The following NUDT4 variants were observed in gnomAD, a reference collection of about 807,000 sequenced individuals.
NUDT4 encodes the protein nudix hydrolase 4.
In NUDT4, 5 loss-of-function variants were observed where a neutral mutation model predicts 23.1. The observed-to-expected ratio is 0.22, with a 90% CI of 0.11 to 0.46. NUDT4 has a LOEUF of 0.46. Among genes scored for constraint, NUDT4 ranks in the 20% least tolerant of loss-of-function variants. The pLI is 0.99. For synonymous variants in NUDT4, 50 were observed against 79.0 expected (o/e 0.63, Z 1.95); for missense variants, 96 against 211.6 (o/e 0.45, Z 3.39).
rs1483119167 is a variant in NUDT4 at position 93,386,177 on chromosome 12, A to T, written c.99+7756A>T. On this transcript the variant is annotated intron_variant, in intron 1 of 4. Coordinates refer to ENST00000415493, the MANE Select transcript of NUDT4 (RefSeq NM_019094.6). ...TTTTTTGTAGAGACAGGGTCTTCCT[A>T]TGTTGCCTAGGCTGGTCTTGAGCTC... Among the ~76,000 whole-genome samples the T allele has an allele frequency of 4.0e-5, 6 of 151,652 alleles. No individual in the cohort carries two copies. The East Asian group carries it at 1.2e-3, about 30-fold the overall frequency.
chr12:93,380,869 G>T (rs1212509343), intron 1 of NUDT4: 1 of 152,130 alleles, frequency 6.6e-6, no homozygotes, highest in Non-Finnish European at 1.5e-5. Context: ...CCCTCTACTG[G>T]ATGAAAAACA....
chr12:93,379,706 G>A (rs1204300803), intron 1 of NUDT4, among the ~76,000 whole-genome samples: 2 of 152,082 alleles, frequency 1.3e-5, no homozygotes, highest in African/African-American at 4.8e-5. Flanking sequence ...CTTTGAGATG[G>A]GTCTGCTTAG....
Position 93,402,209 on chromosome 12 carries a change from G to C in NUDT4, c.*2830G>C, listed in dbSNP as rs1877498782. 6.6e-6 allele frequency: 1 copy of C among 152,040 alleles called. No individual in the cohort carries two copies. Among genetic ancestry groups the C allele is most frequent in the Admixed American group, 6.6e-5 (1 of 15,238 alleles). The allele number at this position is 152,040 out of a possible 1,614,324, so 9.4% of individuals were successfully genotyped here. ...TGAATTGCTTTGCATGGTCTCATTTGAGATAATTGATGTAAGAATCCTGAC... is the reference window on the plus strand; with the variant it reads ...TGAATTGCTTTGCATGGTCTCATTTCAGATAATTGATGTAAGAATCCTGAC... On this transcript the variant is annotated 3_prime_UTR_variant, in exon 5 of 5. Coordinates refer to ENST00000415493, the MANE Select transcript of NUDT4 (RefSeq NM_019094.6).
In NUDT4 at chr12:93,399,477, T is replaced by C; in HGVS notation, c.*98T>C. The stretch of plus-strand genomic sequence containing the variant: ...ATCTGATTGACGCTTGCAAACTGTC[T>C]GAATTTGCCATGCAAGGTTTTCAAA... On this transcript the variant is annotated 3_prime_UTR_variant, in exon 5 of 5. Transcript: ENST00000415493. 1 of 460,768 alleles carries C rather than the reference T, an allele frequency of 2.2e-6. No individual in the cohort carries two copies. The highest frequency in any genetic ancestry group is 3.1e-5 in the East Asian group (1 of 31,780). 28.5% of individuals were successfully genotyped at this position (460,768 alleles called of 1,614,324 possible). A position where few individuals can be genotyped will look rare whatever the true frequency, so the allele number is the denominator to read the frequency against.
At chr12:93,386,881 CCTT>C (rs1156624628) in intron 1 of NUDT4, among the ~76,000 whole-genome samples, 2 of 152,082 alleles carry the variant, frequency 1.3e-5, no homozygotes, top group East Asian at 1.9e-4. Flanking sequence ...TGAAAGTACA[CCTT>C]CTTATTAATT....
chr12:93,398,280 TG>T (rs1877077661), intron 3 of NUDT4, among the ~76,000 whole-genome samples: 1 of 128,416 alleles, frequency 7.8e-6, no homozygotes, highest in Non-Finnish European at 1.6e-5. Context: ...GCAGAGATTG[TG>T]GGGGAGCTGA....
At position 93,400,885 on chromosome 12, in the gene NUDT4, G is replaced by A. The variant is rs1877356088; in HGVS notation, c.*1506G>A. ...ACCTCCCAAAGTGCTGGGATTACAGGCATGAGCCACCATGCCCAGCCAAAG... is the reference window on the plus strand; with the variant it reads ...ACCTCCCAAAGTGCTGGGATTACAGACATGAGCCACCATGCCCAGCCAAAG... On this transcript the variant is annotated 3_prime_UTR_variant, in exon 5 of 5. Coordinates refer to ENST00000415493, the MANE Select transcript of NUDT4 (RefSeq NM_019094.6). The A allele has an allele frequency of 6.5e-6, 1 of 153,158 alleles. No homozygotes were observed. The highest frequency in any genetic ancestry group is 1.5e-5 in the Non-Finnish European group (1 of 68,624). The allele number at this position is 153,158 out of a possible 1,614,324, so 9.5% of individuals were successfully genotyped here.
In NUDT4 at chr12:93,401,105, GCTGAA is replaced by G. The variant is rs1877380228; in HGVS notation, c.*1732_*1736del. Reference sequence around the variant, plus strand: ...AATGAGATCTTGTGCCATAAATACAGCTGAACTGAATATAAATGTTCACAAATTAA... The same window carrying G: ...AATGAGATCTTGTGCCATAAATACAGCTGAATATAAATGTTCACAAATTAA... On this transcript the variant is annotated 3_prime_UTR_variant, in exon 5 of 5. Coordinates refer to ENST00000415493, the MANE Select transcript of NUDT4 (RefSeq NM_019094.6). 6.6e-6 allele frequency: 1 copy of G among 152,030 alleles called. No homozygotes were observed. Among genetic ancestry groups the G allele is most frequent in the South Asian group, 2.1e-4 (1 of 4,822 alleles). 9.4% of individuals were successfully genotyped at this position (152,030 alleles called of 1,614,324 possible).
At chr12:93,388,467 A>G (rs1442632165) in intron 1 of NUDT4, among the ~76,000 whole-genome samples, 1 of 152,218 alleles carries the variant, frequency 6.6e-6, no homozygotes, top group East Asian at 1.9e-4. Context: ...GTAGATAAGG[A>G]ACAAAATCAG....
chr12:93,383,179 T>C (rs775208951), intron 1 of NUDT4, among the ~76,000 whole-genome samples: 92 of 151,812 alleles, frequency 6.1e-4, no homozygotes, highest in Non-Finnish European at 1.0e-3. Context: ...AGGTAAAAAA[T>C]CCATGGTCAA....
In NUDT4 at chr12:93,398,821, A is replaced by C. The variant is rs780989010; in HGVS notation, c.306A>C (p.Glu102Asp). ...RTYVYVLTVTEILEDWEDSVN... is the reference protein window; with the variant it reads ...RTYVYVLTVTDILEDWEDSVN... ...ATGTTTATGTTCTAACAGTCACTGA[A>C]ATATTAGAAGATTGGGAAGATTCTG... Residue 102 changes from glutamate (E) to aspartate (D), a missense_variant, in exon 4 of 5, where the codon GAA (glutamate) becomes GAC (aspartate). Glu to Asp is a conservative substitution (Grantham distance 45, BLOSUM62 2). Coordinates refer to ENST00000415493, the MANE Select transcript of NUDT4 (RefSeq NM_019094.6). The C allele has an allele frequency of 1.9e-6, 3 of 1,603,074 alleles. No homozygotes were observed. In the African/African-American group the frequency reaches 4.0e-5, roughly 21 times the overall value.
chr12:93,379,124 C>G (rs1178420983), intron 1 of NUDT4, among the ~76,000 whole-genome samples: 4 of 152,200 alleles, frequency 2.6e-5, no homozygotes, highest in African/African-American at 7.2e-5. Flanking sequence ...CAGCTCTCAG[C>G]TTATGTATAA....
At chr12:93,395,902 A>G (rs1592726568) in intron 3 of NUDT4, among the ~76,000 whole-genome samples, 1 of 152,032 alleles carries the variant, frequency 6.6e-6, no homozygotes, top group South Asian at 2.1e-4. Context: ...TGTATTTTTA[A>G]TAGAGATGGG....
chr12:93,390,094 GA>G (rs1876379530), intron 1 of NUDT4, among the ~76,000 whole-genome samples: 2 of 152,170 alleles, frequency 1.3e-5, no homozygotes, highest in Admixed American at 1.3e-4. Context: ...GAATATGGAT[GA>G]TTTTGAACTC....
In NUDT4 at chr12:93,378,605, T is replaced by C. The variant is rs578126357; in HGVS notation, c.99+184T>C. 4.0e-6 allele frequency: 5 copies of C among 1,260,660 alleles called. No homozygotes were observed. In the South Asian group the frequency reaches 1.0e-4, roughly 26 times the overall value. The allele number at this position is 1,260,660 out of a possible 1,614,324, so 78.1% of individuals were successfully genotyped here. ...TTCTTCCTTCCTTTCTCTGGGCTGA[T>C]AGATGAGACAAAGGGGGCTCGCCCA... On this transcript the variant is annotated intron_variant, in intron 1 of 4. Coordinates refer to ENST00000415493, the MANE Select transcript of NUDT4 (RefSeq NM_019094.6).
chr12:93,403,287 A>C lies in NUDT4; in HGVS notation c.*3908A>C, dbSNP rs1877603712. The stretch of plus-strand genomic sequence containing the variant: ...AAGAGCTTATATTCTAGTGGGGTAG[A>C]GATAAGTGATTTATCTTGGTGTAGT... On this transcript the variant is annotated 3_prime_UTR_variant, in exon 5 of 5. Coordinates refer to ENST00000415493, the MANE Select transcript of NUDT4 (RefSeq NM_019094.6). 1 of 152,158 alleles carries C rather than the reference A, an allele frequency of 6.6e-6. No homozygotes were observed. The highest frequency in any genetic ancestry group is 1.5e-5 in the Non-Finnish European group (1 of 68,030). 9.4% of individuals were successfully genotyped at this position (152,158 alleles called of 1,614,324 possible). A position where few individuals can be genotyped will look rare whatever the true frequency, so the allele number is the denominator to read the frequency against.
At chr12:93,385,910 GA>G (rs1876023391) in intron 1 of NUDT4, among the ~76,000 whole-genome samples, 1 of 95,948 alleles carries the variant, frequency 1.0e-5, no homozygotes, top group Non-Finnish European at 2.0e-5. Flanking sequence ...TGCATGTATA[GA>G]TTTTATATAT....
chr12:93,397,282 GTTAA>G (rs34057275), intron 3 of NUDT4, among the ~76,000 whole-genome samples: 14,813 of 152,182 alleles, frequency 0.097, 967 homozygotes, highest in East Asian at 0.17. Context: ...TGAATGATGT[GTTAA>G]TTGACAGTTG....
At chr12:93,391,955 C>G (rs1876540667) in intron 1 of NUDT4, among the ~76,000 whole-genome samples, 1 of 152,104 alleles carries the variant, frequency 6.6e-6, no homozygotes, top group Admixed American at 6.5e-5. Flanking sequence ...GCAGTCTCGG[C>G]TCACTGCAAC....
Sources: allele counts gnomAD v4.1 joint callset (sites outside exome capture counted in the v4.1 genomes callset), GRCh38; gene constraint gnomAD v4.1.1; transcripts MANE v1.5; gene names NCBI Gene and HGNC (gene_info 2026-07-23, HGNC 2026-07-21).